RANBP2: variants seen among roughly 807,000 people sequenced by gnomAD.
The protein encoded by RANBP2 is RAN binding protein 2, also known as E3 SUMO-protein ligase RanBP2.
In RANBP2, 57 loss-of-function variants were observed where a neutral mutation model predicts 303.6. The ratio of observed to expected loss-of-function variants is 0.19; its 90% CI spans 0.15 to 0.23. RANBP2 has a LOEUF of 0.23. RANBP2 is among the 10% of genes least tolerant of loss of function. RANBP2 has a pLI of 1.00. For missense variants in RANBP2, 3,138 were observed against 3,780.8 expected, an observed-to-expected ratio of 0.83 and a Z score of 4.46; for synonymous variants, 1,167 against 1,301.5, an observed-to-expected ratio of 0.90 and a Z score of 2.23.
At chr2:109,276,830 TA>T in the RANBP2 span, among the ~76,000 whole-genome samples, 1 of 152,120 alleles carries the variant, frequency 6.6e-6, no homozygotes, top group Non-Finnish European at 1.5e-5. Context: ...TAAGGGGCCT[TA>T]TACAAACAAT....
At chr2:109,454,307 C>T in the RANBP2 span, among the ~76,000 whole-genome samples, 1 of 152,216 alleles carries the variant, frequency 6.6e-6, no homozygotes, top group Non-Finnish European at 1.5e-5. Flanking sequence ...GAAAGCGCCT[C>T]AGCTGGGCAT....
At chr2:109,457,071 T>G in the RANBP2 span, among the ~76,000 whole-genome samples, 1 of 152,244 alleles carries the variant, frequency 6.6e-6, no homozygotes, top group South Asian at 2.1e-4. Context: ...TCGAGCAAGC[T>G]TCTCCACCTT....
At chr2:109,109,639 A>T in the RANBP2 span, among the ~76,000 whole-genome samples, 7 of 152,204 alleles carry the variant, frequency 4.6e-5, no homozygotes, top group Non-Finnish European at 1.0e-4. Context: ...TATTTATGTG[A>T]TATGAATACT....
chr2:109,366,912 A>G, the RANBP2 span, among the ~76,000 whole-genome samples: 1 of 152,208 alleles, frequency 6.6e-6, no homozygotes, highest in Non-Finnish European at 1.5e-5. Context: ...GTGGAAGGTA[A>G]GCTGAAATAC....
At position 108,751,266 on chromosome 2, in the gene RANBP2, G is replaced by T. The variant is rs1455278947; in HGVS notation, c.1276G>T (p.Ala426Ser). 1 of 1,611,922 alleles carries T rather than the reference G, an allele frequency of 6.2e-7. No homozygotes were observed. The highest frequency in any genetic ancestry group is 1.1e-5 in the South Asian group (1 of 90,992). The change falls in exon 10 of 29, where the codon GCT (alanine) becomes TCT (serine). Residue 426 changes from alanine (A) to serine (S), a missense_variant and splice_region_variant. Physicochemically the swap from Ala to Ser is moderately conservative, Grantham distance 99. Coordinates refer to ENST00000283195, the MANE Select transcript of RANBP2 (RefSeq NM_006267.5). ...CCAATTTTTTAATTTTATTTCAGGT[G>T]CTATTCGAGCACATAATGGTAGTCT... ...LEDLTRYDVGAIRAHNGSLQH... is the reference protein window; with the variant it reads ...LEDLTRYDVGSIRAHNGSLQH...
At chr2:109,545,228 A>T in the RANBP2 span, 1 of 985,468 alleles carries the variant, frequency 1.0e-6, no homozygotes, top group East Asian at 1.1e-4. Context: ...TGAATAGAAC[A>T]AGGCATGATG....
chr2:109,355,225 C>G, the RANBP2 span, among the ~76,000 whole-genome samples: 2 of 152,136 alleles, frequency 1.3e-5, no homozygotes, highest in African/African-American at 4.8e-5. Context: ...CGAAATTGAG[C>G]TTTGTATCTG....
chr2:109,500,477 A>G, the RANBP2 span, among the ~76,000 whole-genome samples: 1 of 152,132 alleles, frequency 6.6e-6, no homozygotes, highest in Non-Finnish European at 1.5e-5. Context: ...TCCACACTAC[A>G]GCATATTGGT....
the RANBP2 span, among the ~76,000 whole-genome samples, chr2:109,112,955 G>A: frequency 5.0e-3 from 764 of 152,174 alleles, 1 homozygote; most frequent in Non-Finnish European, 6.8e-3. Context: ...GATATGCAGC[G>A]TTATTTCTGA....
At chr2:109,715,048 A>G in the RANBP2 span, among the ~76,000 whole-genome samples, 1 of 151,748 alleles carries the variant, frequency 6.6e-6, no homozygotes, top group Admixed American at 6.6e-5. Flanking sequence ...GCTCATTGCA[A>G]TCTCTGCCTT....
At chr2:108,918,359 T>G in the RANBP2 span, among the ~76,000 whole-genome samples, 1 of 152,230 alleles carries the variant, frequency 6.6e-6, no homozygotes, top group Non-Finnish European at 1.5e-5. Flanking sequence ...GTCCACTGTG[T>G]GCTGTGTGTT....
the RANBP2 span, chr2:108,912,842 T>C: frequency 8.2e-7 from 1 of 1,222,320 alleles, no homozygotes; most frequent in Non-Finnish European, 1.2e-6. Context: ...CTCATGGATC[T>C]GGATTCATGA....
At chr2:109,213,169 G>C in the RANBP2 span, among the ~76,000 whole-genome samples, 2 of 152,212 alleles carry the variant, frequency 1.3e-5, no homozygotes, top group Non-Finnish European at 2.9e-5. Context: ...AAACCACATG[G>C]GCGCGGTTGC....
At chr2:109,170,362 T>G in the RANBP2 span, among the ~76,000 whole-genome samples, 3 of 151,696 alleles carry the variant, frequency 2.0e-5, no homozygotes, top group Admixed American at 2.0e-4. Flanking sequence ...TTTCTTTCTT[T>G]TTTGACCACA....
At chr2:109,182,275 G>T in the RANBP2 span, among the ~76,000 whole-genome samples, 7 of 152,176 alleles carry the variant, frequency 4.6e-5, no homozygotes, top group South Asian at 1.4e-3. Context: ...GGCATCGCAT[G>T]GTGAGATAGT....
the RANBP2 span, among the ~76,000 whole-genome samples, chr2:109,669,931 C>T: frequency 1.3e-5 from 2 of 150,370 alleles, no homozygotes; most frequent in Non-Finnish European, 1.5e-5. Context: ...TGCCCCCAAG[C>T]GACCCCCCAC....
the RANBP2 span, among the ~76,000 whole-genome samples, chr2:109,576,269 AAT>A: frequency 5.0e-3 from 758 of 150,796 alleles, 6 homozygotes; most frequent in African/African-American, 0.018. Context: ...AAATGAATTA[AAT>A]ATATATATAT....
At chr2:109,406,148 A>G in the RANBP2 span, among the ~76,000 whole-genome samples, 1 of 152,192 alleles carries the variant, frequency 6.6e-6, no homozygotes, top group African/African-American at 2.4e-5. Flanking sequence ...GGGAGAGGTC[A>G]GAGGCTCAGC....
the RANBP2 span, among the ~76,000 whole-genome samples, chr2:109,458,675 T>C: frequency 6.6e-6 from 1 of 152,030 alleles, no homozygotes; most frequent in Non-Finnish European, 1.5e-5. Flanking sequence ...CCCAGCAGGC[T>C]GGACCCTCAG....
Sources: allele counts gnomAD v4.1 joint callset (sites outside exome capture counted in the v4.1 genomes callset), GRCh38; gene constraint gnomAD v4.1.1; transcripts MANE v1.5; gene names NCBI Gene and HGNC (gene_info 2026-07-23, HGNC 2026-07-21).